RPL34: variants seen among roughly 807,000 people sequenced by gnomAD.
RPL34 encodes the protein ribosomal protein L34.
RPL34 carries 2 observed loss-of-function variants against 16.3 expected under a neutral mutation model. The observed-to-expected ratio is 0.12, with a 90% CI of 0.05 to 0.39. The LOEUF (loss-of-function observed/expected upper bound fraction) is 0.39. RPL34 is among the 10% of genes least tolerant of loss of function. The pLI is 0.99. For missense variants in RPL34, 82 were observed against 148.8 expected (o/e 0.55, Z 2.33); for synonymous variants, 47 against 48.5 (o/e 0.97, Z 0.13).
In RPL34 at chr4:108,622,219, T is replaced by A; in HGVS notation, c.165+15T>A. 6.4e-7 allele frequency: 1 copy of A among 1,553,214 alleles called. No individual in the cohort carries two copies. The highest frequency in any genetic ancestry group is 8.8e-7 in the Non-Finnish European group (1 of 1,130,478). On this transcript the variant is annotated intron_variant, in intron 3 of 4. Transcript: ENST00000394667. Reference sequence around the variant, plus strand: ...GACTTCGAGGGGTAAGTGTACCTTTTACTGTGTGCAGCCTAACAAGTCTTG... The same window carrying A: ...GACTTCGAGGGGTAAGTGTACCTTTAACTGTGTGCAGCCTAACAAGTCTTG...
intron 1 of RPL34, chr4:108,621,028 G>A (rs574267145): frequency 3.3e-5 from 5 of 152,236 alleles, no homozygotes; most frequent in African/African-American, 4.8e-5. Context: ...CAAGGCCCAT[G>A]TCAAGGAAGA....
chr4:108,622,045 T>C, intron 2 of RPL34, 21 bp downstream of exon 2: 1 of 1,602,938 alleles, frequency 6.2e-7, no homozygotes, highest in Non-Finnish European at 8.5e-7. Context: ...CTGAAAATTT[T>C]AAGTATATAT....
chr4:108,622,700 C>T, intron 4 of RPL34, 82 bp downstream of exon 4: 1 of 819,878 alleles, frequency 1.2e-6, no homozygotes, highest in Non-Finnish European at 1.9e-6. Flanking sequence ...AATGGTGAAG[C>T]AACTCATTTT....
downstream of RPL34, chr4:108,625,408 G>A (rs866219068): frequency 1.9e-5 from 9 of 475,302 alleles, no homozygotes; most frequent in South Asian, 1.4e-4. Flanking sequence ...TTTTTGAGAC[G>A]GAGTTTCTCT....
At chr4:108,623,826 T>C (rs945674660) in intron 4 of RPL34, among the ~76,000 whole-genome samples, 2 of 152,184 alleles carry the variant, frequency 1.3e-5, no homozygotes, top group African/African-American at 2.4e-5. Flanking sequence ...GGGATAAATA[T>C]AGCTTCTGTG....
At chr4:108,628,701 T>C (rs1392148210), downstream of RPL34, among the ~76,000 whole-genome samples, 2 of 151,748 alleles carry the variant, frequency 1.3e-5, no homozygotes, top group Non-Finnish European at 2.9e-5. Context: ...AGAATTGAGG[T>C]GTACATTCTT....
downstream of RPL34, among the ~76,000 whole-genome samples, chr4:108,627,451 TTACTG>T (rs1484864780): frequency 1.3e-5 from 2 of 152,294 alleles, no homozygotes; most frequent in African/African-American, 4.8e-5. Flanking sequence ...CATAACACCT[TTACTG>T]TACCCCACTG....
chr4:108,621,568 C>A, intron 1 of RPL34: 1 of 232,746 alleles, frequency 4.3e-6, no homozygotes, highest in South Asian at 5.4e-5. Context: ...CTTTATATTC[C>A]CAGTAAATGG....
chr4:108,625,959 C>T (rs1372243351), downstream of RPL34, among the ~76,000 whole-genome samples: 24 of 152,142 alleles, frequency 1.6e-4, no homozygotes, highest in East Asian at 4.6e-3. Flanking sequence ...TTTAAACCCT[C>T]TGTTCTTTTA....
Position 108,622,508 on chromosome 4 carries a change from T to C in RPL34, c.166-7T>C. ...ATCACAAAAATCTTAATATTTTTCTTATGCAGGTTCGTGCTGTAAGACCTA... is the reference window on the plus strand; with the variant it reads ...ATCACAAAAATCTTAATATTTTTCTCATGCAGGTTCGTGCTGTAAGACCTA... On this transcript the variant is annotated splice_region_variant and splice_polypyrimidine_tract_variant and intron_variant, in intron 3 of 4. Transcript: ENST00000394667. 6.3e-7 allele frequency: 1 copy of C among 1,599,550 alleles called. No individual in the cohort carries two copies. The highest frequency in any genetic ancestry group is 8.5e-7 in the Non-Finnish European group (1 of 1,169,660).
downstream of RPL34, among the ~76,000 whole-genome samples, chr4:108,627,665 C>T (rs1158855437): frequency 5.3e-5 from 8 of 152,040 alleles, no homozygotes; most frequent in Admixed American, 1.3e-4. Flanking sequence ...AGTTCGAGAC[C>T]AGCCTGACCA....
intron 1 of RPL34, chr4:108,621,215 G>A (rs1460137317): frequency 1.3e-5 from 2 of 152,230 alleles, no homozygotes; most frequent in African/African-American, 2.4e-5. Context: ...GGTGGAATGG[G>A]AAGATTAAAT....
At chr4:108,627,295 G>C (rs897413556), downstream of RPL34, among the ~76,000 whole-genome samples, 5 of 152,032 alleles carry the variant, frequency 3.3e-5, no homozygotes, top group African/African-American at 9.7e-5. Flanking sequence ...TATAGTCCCA[G>C]TCTCAACACT....
chr4:108,627,047 G>C (rs1336507478), downstream of RPL34, among the ~76,000 whole-genome samples: 1 of 152,108 alleles, frequency 6.6e-6, no homozygotes, highest in Non-Finnish European at 1.5e-5. Context: ...AGACCATCCT[G>C]TCTAGCACGG....
chr4:108,624,038 G>T (rs1029130343), intron 4 of RPL34, among the ~76,000 whole-genome samples: 2 of 145,032 alleles, frequency 1.4e-5, no homozygotes, highest in Non-Finnish European at 1.5e-5. Flanking sequence ...TAAGTCATGA[G>T]TTTTAAGCTG....
At position 108,622,007 on chromosome 4, in the gene RPL34, C is replaced by A. The variant is rs1143561; in HGVS notation, c.48C>A (p.Ala16=). 4 of 1,612,962 alleles carry A rather than the reference C, an allele frequency of 2.5e-6. No individual in the cohort carries two copies. The South Asian group carries it at 3.3e-5, about 13-fold the overall frequency. The change falls in exon 2 of 5, where the codon GCC becomes GCA. Residue 16 remains alanine, a synonymous_variant. Coordinates refer to ENST00000394667, the MANE Select transcript of RPL34 (RefSeq NM_001319236.2). ...TYRRRLSYNT[A]SNKTRLSRTP... is the part of the protein sequence containing the mutation. ...GACGTAGGCTTTCCTACAATACAGCCTCTAACAAAACTAGGCTGTAAGTAT... is the reference window on the plus strand; with the variant it reads ...GACGTAGGCTTTCCTACAATACAGCATCTAACAAAACTAGGCTGTAAGTAT...
In RPL34 at chr4:108,625,297, C is replaced by G. The variant is rs915533179; in HGVS notation, c.*85C>G. The G allele has an allele frequency of 2.7e-6, 2 of 745,030 alleles. No individual in the cohort carries two copies. The highest frequency in any genetic ancestry group is 1.8e-5 in the African/African-American group (1 of 56,016). 46.2% of individuals were successfully genotyped at this position (745,030 alleles called of 1,614,324 possible). A position where few individuals can be genotyped will look rare whatever the true frequency, so the allele number is the denominator to read the frequency against. On this transcript the variant is annotated 3_prime_UTR_variant, in exon 5 of 5. Coordinates refer to ENST00000394667, the MANE Select transcript of RPL34 (RefSeq NM_001319236.2). ...TTTTCTGTTGTAATGTGTTAGTATA[C>G]AGATTTTGTTTCTGTATGGTATTTG...
chr4:108,621,444 G>T (rs1725767978), intron 1 of RPL34: 1 of 161,282 alleles, frequency 6.2e-6, no homozygotes, highest in African/African-American at 2.4e-5. Context: ...ATTGAACCCT[G>T]ATATGTGCCA....
chr4:108,630,224 C>T (rs938567041), downstream of RPL34: 6 of 152,016 alleles, frequency 3.9e-5, no homozygotes, highest in Admixed American at 3.3e-4. Context: ...CCAGCACATC[C>T]CTAGATACTA....
Sources: allele counts gnomAD v4.1 joint callset (sites outside exome capture counted in the v4.1 genomes callset), GRCh38; gene constraint gnomAD v4.1.1; transcripts MANE v1.5; gene names NCBI Gene and HGNC (gene_info 2026-07-23, HGNC 2026-07-21).